Variants in GNAS observed in about 807,000 individuals in gnomAD.
GNAS encodes the protein GNAS complex locus, also known as protein ALEX.
Under a neutral mutation model 54.5 loss-of-function variants are expected in GNAS, and 8 were observed. The ratio of observed to expected loss-of-function variants is 0.15; its 90% CI spans 0.09 to 0.26. The LOEUF (loss-of-function observed/expected upper bound fraction) is 0.26, where lower values mean the gene tolerates loss of function less well. Among genes scored for constraint, GNAS ranks in the 10% least tolerant of loss-of-function variants. The probability of loss-of-function intolerance (pLI) is 1.00; values close to 1 mark genes in which losing one functional copy is unlikely to be tolerated. For synonymous variants in GNAS, 204 were observed against 191.4 expected, an observed-to-expected ratio of 1.07 and a Z score of -0.54; for missense variants, 170 against 529.8, an observed-to-expected ratio of 0.32 and a Z score of 6.67.
chr20:58,893,066 C>CTTTTTTTTTTTTTT (rs869179421), intron 1 of GNAS, among the ~76,000 whole-genome samples: 5 of 103,088 alleles, frequency 4.9e-5, no homozygotes, highest in African/African-American at 1.2e-4. Flanking sequence ...GGCGTGGTTT[C>CTTTTTTTTTTTTTT]TTTTTTTTTT....
intron 1 of GNAS, among the ~76,000 whole-genome samples, chr20:58,859,685 G>A (rs1415377776): frequency 6.6e-6 from 1 of 150,978 alleles, no homozygotes; most frequent in Admixed American, 6.6e-5. Context: ...GGAGTGCGAT[G>A]GTGTGATTTT....
At chr20:58,854,813 A>T in intron 1 of GNAS, 2 of 1,588,700 alleles carry the variant, frequency 1.3e-6, no homozygotes, top group Non-Finnish European at 1.7e-6. Flanking sequence ...CGGCCTCTGC[A>T]GCCCCTGCCT....
rs539583106 is a variant in GNAS at position 58,906,431 on chromosome 20, G to A, written c.530+951G>A. On this transcript the variant is annotated intron_variant, in intron 6 of 12. Transcript: ENST00000371085. ...GTCTCTCCCAGAGGACATCGTACCC[G>A]ATAGCTAGAAAGTTGCCTTTGAAAT... is the stretch of plus-strand genomic sequence containing the variant. Among the ~76,000 whole-genome samples the A allele has an allele frequency of 3.3e-5, 5 of 152,330 alleles. No individual in the cohort carries two copies. The East Asian group carries it at 7.7e-4, about 23-fold the overall frequency.
At chr20:58,864,352 T>A (rs2086925321) in intron 1 of GNAS, among the ~76,000 whole-genome samples, 1 of 152,154 alleles carries the variant, frequency 6.6e-6, no homozygotes, top group Non-Finnish European at 1.5e-5. Flanking sequence ...GGGGGGGCCT[T>A]CATGGGCTTT....
rs1241786016 is a variant in GNAS, at chr20:58,910,652, CACTG to C, written c.1039-28_1039-25del. ...ATAGGGTGGTTCCTGGCGAGGGTGTCACTGACAAGTCCCCTTGTTTGTGCCCGCA... is the reference window on the plus strand; with the variant it reads ...ATAGGGTGGTTCCTGGCGAGGGTGTCACAAGTCCCCTTGTTTGTGCCCGCA... On this transcript the variant is annotated intron_variant, in intron 12 of 12. Coordinates refer to ENST00000371085, the MANE Select transcript of GNAS (RefSeq NM_000516.7). This position sits in a 1 kb window ranked among gnomAD's most constrained non-coding sequence, Gnocchi z 5.8. 2 of 1,613,730 alleles carry C rather than the reference CACTG, an allele frequency of 1.2e-6. No homozygotes were observed. The highest frequency in any genetic ancestry group is 1.7e-6 in the Non-Finnish European group (2 of 1,179,696).
At chr20:58,899,079 T>C (rs1443225605) in intron 3 of GNAS, 94 bp downstream of exon 3, 1 of 974,652 alleles carries the variant, frequency 1.0e-6, no homozygotes. Context: ...GGGAAGAAAA[T>C]AAAAATCATT....
chr20:58,882,685 A>G (rs889416592), intron 1 of GNAS, among the ~76,000 whole-genome samples: 1 of 152,190 alleles, frequency 6.6e-6, no homozygotes, highest in African/African-American at 2.4e-5. Context: ...CTGTTCACCT[A>G]TTAACTCTTT....
Position 58,853,514 on chromosome 20 carries a change from G to T in GNAS, c.43+12628G>T. The stretch of plus-strand genomic sequence containing the variant: ...GACCCAACTTTCAGGTCCTCAACCC[G>T]GCATTCAGGGAAGCTGGAGCCCATG... On this transcript the variant is annotated intron_variant, in intron 1 of 12. Transcript: ENST00000306090. The surrounding 1 kb of genome is among the most constrained non-coding windows in gnomAD (Gnocchi z 4.4). The T allele has an allele frequency of 1.2e-6, 2 of 1,613,248 alleles. No homozygotes were observed. The highest frequency in any genetic ancestry group is 1.7e-6 in the Non-Finnish European group (2 of 1,179,858).
At chr20:58,851,027 G>A (rs960066334) in intron 1 of GNAS, 4 of 397,824 alleles carry the variant, frequency 1.0e-5, no homozygotes, top group African/African-American at 8.2e-5. Context: ...GGAGTGAGTT[G>A]GTGTTGGGAC....
intron 1 of GNAS, among the ~76,000 whole-genome samples, chr20:58,893,269 AAAAG>A (rs964486693): frequency 9.2e-5 from 14 of 151,920 alleles, no homozygotes; most frequent in Non-Finnish European, 1.6e-4. Context: ...ATAAAATAAA[AAAAG>A]GTTAACTATA....
upstream of GNAS, chr20:58,840,094 T>C (rs770356690): frequency 3.4e-5 from 54 of 1,608,314 alleles, no homozygotes; most frequent in Non-Finnish European, 4.5e-5. This position sits in a 1 kb window ranked among gnomAD's most constrained non-coding sequence, Gnocchi z 6.0. Context: ...CTTCTCGGTG[T>C]GTGCCTAAGA....
upstream of GNAS, chr20:58,888,293 G>A (rs556134219): frequency 6.6e-6 from 1 of 152,158 alleles, no homozygotes; most frequent in East Asian, 1.9e-4. Flanking sequence ...CTGGGCACAT[G>A]GTGAGCCGCG....
chr20:58,854,796 C>T lies in GNAS; in HGVS notation c.43+13910C>T, dbSNP rs750941335. On this transcript the variant is annotated intron_variant, in intron 1 of 12. Transcript: ENST00000306090. ...TTCTGCCACCCGGGCAGCCCAAGTCCGCCGGGCGGCCTCTGCAGCCCCTGC... is the reference window on the plus strand; with the variant it reads ...TTCTGCCACCCGGGCAGCCCAAGTCTGCCGGGCGGCCTCTGCAGCCCCTGC... 1.0e-5 allele frequency: 16 copies of T among 1,578,666 alleles called. No homozygotes were observed. The East Asian group carries it at 2.1e-4, about 20-fold the overall frequency.
rs1414602089 is a variant in GNAS at position 58,900,789 on chromosome 20, TATA to T, written c.257+1808_257+1810del. On this transcript the variant is annotated intron_variant, in intron 3 of 12. Coordinates refer to ENST00000371085, the MANE Select transcript of GNAS (RefSeq NM_000516.7). ...TGATGATAAACCCGCCAACCCCCAGTATAATATCTCCATCTACATAGTAATTGC... is the reference window on the plus strand; with the variant it reads ...TGATGATAAACCCGCCAACCCCCAGTATATCTCCATCTACATAGTAATTGC... Among the ~76,000 whole-genome samples the T allele has an allele frequency of 2.6e-5, 4 of 152,332 alleles. No homozygotes were observed. In the East Asian group the frequency reaches 5.8e-4, roughly 22 times the overall value.
intron 1 of GNAS, among the ~76,000 whole-genome samples, chr20:58,842,766 A>G (rs995676988): frequency 6.6e-6 from 1 of 152,202 alleles, no homozygotes; most frequent in Non-Finnish European, 1.5e-5. Context: ...GAGTTCACCA[A>G]GCAAAATGTC....
intron 1 of GNAS, chr20:58,842,503 G>C (rs868259299): frequency 3.0e-5 from 12 of 398,484 alleles, no homozygotes; most frequent in Admixed American, 4.4e-5. Flanking sequence ...TAGTTCTGCC[G>C]GGCTGCAGCG....
At chr20:58,877,336 C>T (rs1052582497) in intron 1 of GNAS, among the ~76,000 whole-genome samples, 6 of 152,024 alleles carry the variant, frequency 3.9e-5, no homozygotes, top group African/African-American at 1.4e-4. Context: ...TGTGGGGGCC[C>T]AGGACTAGTC....
In GNAS at chr20:58,903,649, C is replaced by A. The variant is rs577405676; in HGVS notation, c.313-23C>A. 2.5e-6 allele frequency: 4 copies of A among 1,614,188 alleles called. No individual in the cohort carries two copies. The South Asian group carries it at 4.4e-5, about 18-fold the overall frequency. On this transcript the variant is annotated intron_variant, in intron 4 of 12. Transcript: ENST00000371085. ...CCTCCCAGCCAGTGCTGTTCCCTGA[C>A]CGCTTTGCTAAATCATTTTCAGACC...
At chr20:58,903,362 A>G (rs2090803248) in intron 3 of GNAS, 169 bp from the exon 4 acceptor site, 3 of 718,518 alleles carry the variant, frequency 4.2e-6, no homozygotes, top group Non-Finnish European at 7.4e-6. Flanking sequence ...GGGAGGTTAT[A>G]ATTTGCAACT....
Sources: gnomAD v4.1 joint callset for allele counts (sites outside exome capture counted in the v4.1 genomes callset) on GRCh38, gnomAD v4.1.1 for gene constraint, Gnocchi (gnomAD v3.1) non-coding constraint, MANE v1.5 for transcripts, NCBI Gene and HGNC (gene_info 2026-07-23, HGNC 2026-07-21) for gene names.